CSMD1: variants seen among roughly 807,000 people sequenced by gnomAD.
The protein encoded by CSMD1 is CUB and sushi domain-containing protein 1.
Under a neutral mutation model 417.5 loss-of-function variants are expected in CSMD1, and 213 were observed. That is an observed-to-expected ratio of 0.51 (90% confidence interval 0.46 to 0.57). The LOEUF (loss-of-function observed/expected upper bound fraction) is 0.57, where lower values mean the gene tolerates loss of function less well. Among genes scored for constraint, CSMD1 ranks in the 20% least tolerant of loss-of-function variants. CSMD1 has a pLI of 0.00. For missense variants in CSMD1, 6,923 were observed against 4,529.7 expected (o/e 1.53, Z -15.17); for synonymous variants, 2,862 against 1,736.8 (o/e 1.65, Z -16.11).
At chr8:3,255,865 C>A (rs1800612673) in intron 26 of CSMD1, among the ~76,000 whole-genome samples, 1 of 152,222 alleles carries the variant, frequency 6.6e-6, no homozygotes, top group East Asian at 1.9e-4. Context: ...GTGTGCTGCA[C>A]CCACTGTCCT....
intron 30 of CSMD1, 44 bp downstream of exon 30, chr8:3,214,453 A>G (rs752165874): frequency 2.1e-6 from 3 of 1,445,006 alleles, no homozygotes; most frequent in East Asian, 4.9e-5. Context: ...GCTGCATTTT[A>G]AAGGAAAGTT....
chr8:4,754,005 A>T (rs186245295), intron 1 of CSMD1, among the ~76,000 whole-genome samples: 1 of 152,346 alleles, frequency 6.6e-6, no homozygotes, highest in Admixed American at 6.5e-5. Context: ...TAGTCTGCCC[A>T]GCTAAAGATT....
chr8:2,957,205 G>A (rs1239089072), intron 63 of CSMD1, among the ~76,000 whole-genome samples: 2 of 152,086 alleles, frequency 1.3e-5, no homozygotes, highest in African/African-American at 2.4e-5. Context: ...TCCTGTTATA[G>A]CAAGAATAAT....
intron 1 of CSMD1, among the ~76,000 whole-genome samples, chr8:4,678,878 TA>T (rs1805856508): frequency 6.6e-6 from 1 of 152,222 alleles, no homozygotes; most frequent in Non-Finnish European, 1.5e-5. Flanking sequence ...TCTGTCATTG[TA>T]AAAAGTTTAC....
intron 52 of CSMD1, among the ~76,000 whole-genome samples, chr8:3,003,295 T>C (rs560276698): frequency 1.8e-4 from 27 of 152,352 alleles, no homozygotes; most frequent in Admixed American, 1.8e-3. Flanking sequence ...TAGTCTATGA[T>C]AGTATTATTC....
chr8:4,794,388 G>C (rs1455251173), intron 1 of CSMD1, among the ~76,000 whole-genome samples: 1 of 152,108 alleles, frequency 6.6e-6, no homozygotes. Context: ...ATCCCCATTA[G>C]AAAATCAAGA....
At chr8:3,504,852 A>C (rs1198606149) in intron 10 of CSMD1, among the ~76,000 whole-genome samples, 1 of 152,196 alleles carries the variant, frequency 6.6e-6, no homozygotes, top group Non-Finnish European at 1.5e-5. Flanking sequence ...GTTGAGAGTC[A>C]TGTGAAAATG....
At chr8:3,149,148 G>T (rs1220612848) in intron 40 of CSMD1, among the ~76,000 whole-genome samples, 1 of 151,838 alleles carries the variant, frequency 6.6e-6, no homozygotes, top group Non-Finnish European at 1.5e-5. Context: ...TAGACAATTT[G>T]GTTTCATTGA....
intron 2 of CSMD1, among the ~76,000 whole-genome samples, chr8:4,533,069 C>T (rs766795148): frequency 1.2e-4 from 19 of 152,186 alleles, no homozygotes; most frequent in Non-Finnish European, 2.6e-4. Flanking sequence ...CTACTTTCTG[C>T]GTCAAAAGAT....
intron 30 of CSMD1, among the ~76,000 whole-genome samples, chr8:3,210,370 C>T (rs914418560): frequency 2.3e-5 from 1 of 42,860 alleles, no homozygotes; most frequent in African/African-American, 1.3e-4. Flanking sequence ...GATCTTCAGA[C>T]ATGGAAACTG....
chr8:4,799,857 C>T (rs1477557765), intron 1 of CSMD1, among the ~76,000 whole-genome samples: 1 of 151,856 alleles, frequency 6.6e-6, no homozygotes, highest in African/African-American at 2.4e-5. Flanking sequence ...AAACTTTAAC[C>T]TGTGTAAGAA....
chr8:3,481,913 T>C (rs1817770723), intron 11 of CSMD1, among the ~76,000 whole-genome samples: 1 of 152,196 alleles, frequency 6.6e-6, no homozygotes, highest in Non-Finnish European at 1.5e-5. Flanking sequence ...TTCTGCTGTT[T>C]TGAGCCACCA....
intron 40 of CSMD1, among the ~76,000 whole-genome samples, chr8:3,144,627 C>G (rs1422516232): frequency 6.6e-6 from 1 of 151,998 alleles, no homozygotes; most frequent in Non-Finnish European, 1.5e-5. Flanking sequence ...TGGAGCAACT[C>G]TTTAAATTTA....
intron 11 of CSMD1, among the ~76,000 whole-genome samples, chr8:3,490,922 G>A (rs1478390747): frequency 6.6e-6 from 1 of 152,106 alleles, no homozygotes; most frequent in South Asian, 2.1e-4. Context: ...TCATTATTTG[G>A]CAAGGGTGCA....
At chr8:4,214,453 A>G (rs1394674919) in intron 3 of CSMD1, among the ~76,000 whole-genome samples, 1 of 152,026 alleles carries the variant, frequency 6.6e-6, no homozygotes, top group East Asian at 1.9e-4. Flanking sequence ...ATGCACCACC[A>G]CACTTGGCTA....
intron 1 of CSMD1, among the ~76,000 whole-genome samples, chr8:4,793,560 A>G (rs934234454): frequency 5.3e-5 from 8 of 151,978 alleles, no homozygotes; most frequent in Admixed American, 1.3e-4. Context: ...AATTATTTCT[A>G]TCATTTACTG....
At chr8:3,505,155 G>A (rs1796771059) in intron 10 of CSMD1, among the ~76,000 whole-genome samples, 2 of 152,172 alleles carry the variant, frequency 1.3e-5, no homozygotes, top group Non-Finnish European at 2.9e-5. Flanking sequence ...GCCCTCAGAT[G>A]TATGAAAGAG....
intron 41 of CSMD1, among the ~76,000 whole-genome samples, chr8:3,127,159 T>C (rs773866410): frequency 6.6e-6 from 1 of 152,178 alleles, no homozygotes; most frequent in Admixed American, 6.5e-5. Context: ...TTCTGTCTCG[T>C]ACATGGTTGC....
intron 7 of CSMD1, among the ~76,000 whole-genome samples, chr8:3,696,906 G>A (rs1317548402): frequency 6.6e-6 from 1 of 152,056 alleles, no homozygotes; most frequent in Admixed American, 6.6e-5. Flanking sequence ...ATTTATGAAA[G>A]AGAACACTTT....
Sources: gnomAD v4.1 joint callset for allele counts (sites outside exome capture counted in the v4.1 genomes callset) on GRCh38, gnomAD v4.1.1 for gene constraint, MANE v1.5 for transcripts, NCBI Gene and HGNC (gene_info 2026-07-23, HGNC 2026-07-21) for gene names.